NMRK1: variants seen among roughly 807,000 people sequenced by gnomAD.
The protein encoded by NMRK1 is nicotinamide riboside kinase 1.
NMRK1 carries 28 observed loss-of-function variants against 29.9 expected under a neutral mutation model. The ratio of observed to expected loss-of-function variants is 0.94; its 90% CI spans 0.69 to 1.28. The LOEUF is 1.28. NMRK1 is among the 50% of genes most tolerant of loss of function. The probability of loss-of-function intolerance (pLI) is 0.00; values close to 1 mark genes in which losing one functional copy is unlikely to be tolerated. For synonymous variants in NMRK1, 58 were observed against 73.0 expected, an observed-to-expected ratio of 0.79 and a Z score of 1.05; for missense variants, 218 against 233.1, an observed-to-expected ratio of 0.94 and a Z score of 0.42.
Position 75,061,472 on chromosome 9 carries a change from T to C in NMRK1, c.*76A>G, listed in dbSNP as rs975826383. On this transcript the variant is annotated 3_prime_UTR_variant, in exon 9 of 9. Transcript: ENST00000361092. ...TGTCATTGTACCACAGTATACATTG[T>C]ATCTTGGTGAAGGTTCTTAAATTAC... 2 of 1,070,320 alleles carry C rather than the reference T, an allele frequency of 1.9e-6. No individual in the cohort carries two copies. The highest frequency in any genetic ancestry group is 2.9e-6 in the Non-Finnish European group (2 of 701,332). The allele number at this position is 1,070,320 out of a possible 1,614,324, so 66.3% of individuals were successfully genotyped here. A position where few individuals can be genotyped will look rare whatever the true frequency, so the allele number is the denominator to read the frequency against.
chr9:75,086,079 A>G (rs1824611552), intron 1 of NMRK1, among the ~76,000 whole-genome samples: 1 of 151,946 alleles, frequency 6.6e-6, no homozygotes, highest in East Asian at 1.9e-4. Context: ...TGTTGCCCCT[A>G]TAAAAAAAAT....
chr9:75,085,515 AGAATG>A (rs1824564976), intron 1 of NMRK1, among the ~76,000 whole-genome samples: 1 of 147,824 alleles, frequency 6.8e-6, no homozygotes, highest in Admixed American at 6.8e-5. Flanking sequence ...CTGTGCACAC[AGAATG>A]GAAAGGACTA....
intron 2 of NMRK1, chr9:75,082,840 C>A: frequency 2.0e-6 from 1 of 509,502 alleles, no homozygotes; most frequent in South Asian, 2.9e-5. Context: ...GGTGTTAGCT[C>A]CACAAAATAA....
rs1045486692 is a variant in NMRK1, at chr9:75,077,693, T to C, written c.30-113A>G. ...CTGTGTCACCAAGGCTGGAGTGCAG[T>C]GGTGCAATCTTGGCTCACTGCAACC... On this transcript the variant is annotated intron_variant, in intron 2 of 8. Coordinates refer to ENST00000361092, the MANE Select transcript of NMRK1 (RefSeq NM_017881.3). 1.4e-5 allele frequency: 10 copies of C among 709,790 alleles called. No individual in the cohort carries two copies. In the African/African-American group the frequency reaches 1.4e-4, roughly 10 times the overall value. The allele number at this position is 709,790 out of a possible 1,614,324, so 44.0% of individuals were successfully genotyped here.
At chr9:75,063,570 T>C (rs899764817) in intron 8 of NMRK1, among the ~76,000 whole-genome samples, 2 of 152,212 alleles carry the variant, frequency 1.3e-5, no homozygotes, top group African/African-American at 4.8e-5. Context: ...CTCTGTTGGA[T>C]AATTTATTGT....
chr9:75,082,350 C>G (rs576044118), intron 2 of NMRK1, among the ~76,000 whole-genome samples: 1 of 152,284 alleles, frequency 6.6e-6, no homozygotes, highest in South Asian at 2.1e-4. Flanking sequence ...AATTTTACTT[C>G]TGATTGATGA....
intron 1 of NMRK1, among the ~76,000 whole-genome samples, chr9:75,085,238 C>T (rs1824549768): frequency 6.6e-6 from 1 of 152,206 alleles, no homozygotes; most frequent in South Asian, 2.1e-4. Flanking sequence ...TTAGCGATTA[C>T]TTGGTCTACC....
rs772905826 is a variant in NMRK1, at chr9:75,069,959, C to T, written c.253G>A (p.Asp85Asn). The T allele has an allele frequency of 1.2e-6, 2 of 1,614,028 alleles. No individual in the cohort carries two copies. Among genetic ancestry groups the T allele is most frequent in the South Asian group, 2.2e-5 (2 of 91,046 alleles). The change falls in exon 5 of 9, where the codon GAC becomes AAC. Residue 85 changes from aspartate (D) to asparagine (N), a missense_variant. Physicochemically the swap from Asp to Asn is conservative, Grantham distance 23. Coordinates refer to ENST00000361092, the MANE Select transcript of NMRK1 (RefSeq NM_017881.3). ...GGAATTTCCTCAGCACTTTCCTGGT[C>T]TGTTGATACCACAGAGTGTCTTGCG... is the stretch of plus-strand genomic sequence containing the variant. ...ESARHSVVST[D>N]QESAEEIPIL...
At chr9:75,083,226 T>C (rs1189874033) in intron 1 of NMRK1, 76 bp from the exon 2 acceptor site, 1 of 761,472 alleles carries the variant, frequency 1.3e-6, no homozygotes, top group Non-Finnish European at 2.3e-6. Context: ...AATCCTAAAT[T>C]AGGAGCACCA....
rs551020275 is a variant in NMRK1 at position 75,060,815 on chromosome 9, T to A, written c.*733A>T. On this transcript the variant is annotated 3_prime_UTR_variant, in exon 9 of 9. Coordinates refer to ENST00000361092, the MANE Select transcript of NMRK1 (RefSeq NM_017881.3). ...AGAAAGAAACCAGAAACCCTATTTG[T>A]AACAAAGTCTCAACAATGAGATACA... is the stretch of plus-strand genomic sequence containing the variant. 19 of 148,890 alleles carry A rather than the reference T, an allele frequency of 1.3e-4. No individual in the cohort carries two copies. Among genetic ancestry groups the A allele is most frequent in the African/African-American group, 4.8e-4 (19 of 39,804 alleles). The allele number at this position is 148,890 out of a possible 1,614,324, so 9.2% of individuals were successfully genotyped here. A position where few individuals can be genotyped will look rare whatever the true frequency, so the allele number is the denominator to read the frequency against.
intron 1 of NMRK1, among the ~76,000 whole-genome samples, chr9:75,085,726 GT>G (rs58741153): frequency 0.19 from 15,756 of 85,082 alleles, 1,733 homozygotes; most frequent in African/African-American, 0.36. Context: ...TCAAATGTAA[GT>G]TTTTTTTTTT....
chr9:75,070,341 A>T (rs189171670), intron 4 of NMRK1, among the ~76,000 whole-genome samples: 4 of 152,212 alleles, frequency 2.6e-5, no homozygotes. Context: ...TGCTTTACTT[A>T]TAACTTCGAT....
In NMRK1 at chr9:75,078,385, C is replaced by T. The variant is rs1824131642; in HGVS notation, c.30-805G>A. ...TCCCCATCTCTCTCCACCTGGGGGC[C>T]AGCTGGGAGGTCTGCTGTAGCTTAT... On this transcript the variant is annotated intron_variant, in intron 2 of 8. Transcript: ENST00000361092. 6 of 1,565,988 alleles carry T rather than the reference C, an allele frequency of 3.8e-6. No homozygotes were observed. The South Asian group carries it at 5.9e-5, about 15-fold the overall frequency.
At chr9:75,061,690 T>C (rs996238797) in intron 8 of NMRK1, 123 bp from the exon 9 acceptor site, 8 of 752,570 alleles carry the variant, frequency 1.1e-5, no homozygotes, top group East Asian at 5.3e-5. Context: ...CCAAAAATGC[T>C]GGTTTCCTGT....
At position 75,082,017 on chromosome 9, in the gene NMRK1, C is replaced by T. The variant is rs550594007; in HGVS notation, c.29+1070G>A. 6.6e-5 allele frequency among the ~76,000 whole-genome samples: 10 copies of T among 152,338 alleles called. No homozygotes were observed. In the East Asian group the frequency reaches 1.9e-3, roughly 29 times the overall value. ...AAATTTTTCCCGCAGCCTGCTACCC[C>T]TGAGGCTAATACATTTCCTTTATTA... On this transcript the variant is annotated intron_variant, in intron 2 of 8. Transcript: ENST00000361092.
At position 75,077,373 on chromosome 9, in the gene NMRK1, C is replaced by A. The variant is rs1470032037; in HGVS notation, c.120+117G>T. On this transcript the variant is annotated intron_variant, in intron 3 of 8. Transcript: ENST00000361092. ...GGATAAGTAACACCATTGCACTGAG[C>A]CTAATTTCAATACAAAACGTAAATC... is the stretch of plus-strand genomic sequence containing the variant. 6.7e-6 allele frequency: 6 copies of A among 895,738 alleles called. No homozygotes were observed. The East Asian group carries it at 1.2e-4, about 18-fold the overall frequency. 55.5% of individuals were successfully genotyped at this position (895,738 alleles called of 1,614,324 possible). A position where few individuals can be genotyped will look rare whatever the true frequency, so the allele number is the denominator to read the frequency against.
chr9:75,075,340 G>A (rs1001740604), intron 4 of NMRK1, among the ~76,000 whole-genome samples: 11 of 92,758 alleles, frequency 1.2e-4, no homozygotes, highest in Non-Finnish European at 2.3e-4. Context: ...ACCTCTGGAC[G>A]AGAGGAAGAG....
intron 1 of NMRK1, among the ~76,000 whole-genome samples, chr9:75,086,716 G>A (rs1824656858): frequency 6.6e-6 from 1 of 152,126 alleles, no homozygotes; most frequent in Non-Finnish European, 1.5e-5. Context: ...AGCTGACAAA[G>A]CTAAATGTGC....
intron 4 of NMRK1, among the ~76,000 whole-genome samples, chr9:75,070,256 T>C (rs558168781): frequency 2.0e-5 from 3 of 152,248 alleles, no homozygotes; most frequent in East Asian, 3.9e-4. Flanking sequence ...ATTTCGAACA[T>C]ACAAAAAAGT....
Sources: allele counts gnomAD v4.1 joint callset (sites outside exome capture counted in the v4.1 genomes callset), GRCh38; gene constraint gnomAD v4.1.1; transcripts MANE v1.5; gene names NCBI Gene and HGNC (gene_info 2026-07-23, HGNC 2026-07-21).